Variants in SLC38A1 observed in about 807,000 individuals in gnomAD.
The protein encoded by SLC38A1 is sodium-coupled neutral amino acid symporter 1.
SLC38A1 carries 18 observed loss-of-function variants against 60.3 expected under a neutral mutation model. The ratio of observed to expected loss-of-function variants is 0.30; its 90% CI spans 0.21 to 0.44. SLC38A1 has a LOEUF of 0.44. Ranked by LOEUF, SLC38A1 falls within the 20% of genes least tolerant of loss-of-function variation. The probability of loss-of-function intolerance (pLI) is 1.00; values close to 1 mark genes in which losing one functional copy is unlikely to be tolerated. For missense variants in SLC38A1, 448 were observed against 587.2 expected, an observed-to-expected ratio of 0.76 and a Z score of 2.45; for synonymous variants, 196 against 212.1, an observed-to-expected ratio of 0.92 and a Z score of 0.66.
rs971728861 is a variant in SLC38A1 at position 46,203,101 on chromosome 12, A to G, written c.823-12T>C. Reference sequence around the variant, plus strand: ...AAAGCATACACGGTCTATTTGAGAGAAAAGAATAGACATTAGGAAAAACAC... The same window carrying G: ...AAAGCATACACGGTCTATTTGAGAGGAAAGAATAGACATTAGGAAAAACAC... On this transcript the variant is annotated splice_polypyrimidine_tract_variant and intron_variant, in intron 11 of 16. Transcript: ENST00000398637. 1 of 1,607,658 alleles carries G rather than the reference A, an allele frequency of 6.2e-7. No homozygotes were observed. Among genetic ancestry groups the G allele is most frequent in the African/African-American group, 1.3e-5 (1 of 74,870 alleles).
At chr12:46,267,908 T>A (rs1269731611) in intron 1 of SLC38A1, among the ~76,000 whole-genome samples, 1 of 152,212 alleles carries the variant, frequency 6.6e-6, no homozygotes, top group African/African-American at 2.4e-5. Context: ...AGTGAGTCAC[T>A]GCAAGCATCC....
At chr12:46,210,446 T>C (rs1940108281) in intron 5 of SLC38A1, among the ~76,000 whole-genome samples, 1 of 152,168 alleles carries the variant, frequency 6.6e-6, no homozygotes, top group South Asian at 2.1e-4. Flanking sequence ...GATCTGCCAA[T>C]AAACAGGAAT....
intron 1 of SLC38A1, among the ~76,000 whole-genome samples, chr12:46,255,333 A>C (rs1941985083): frequency 6.6e-6 from 1 of 152,242 alleles, no homozygotes; most frequent in African/African-American, 2.4e-5. Context: ...ACAGATCATG[A>C]GAAGGTTTTT....
At chr12:46,263,536 T>C (rs1376853169) in intron 1 of SLC38A1, among the ~76,000 whole-genome samples, 3 of 152,172 alleles carry the variant, frequency 2.0e-5, no homozygotes, top group African/African-American at 7.2e-5. Flanking sequence ...TAGCCACCAG[T>C]TTGCAACCTA....
intron 1 of SLC38A1, among the ~76,000 whole-genome samples, chr12:46,250,538 A>C (rs570482315): frequency 6.6e-6 from 1 of 152,320 alleles, no homozygotes; most frequent in African/African-American, 2.4e-5. Flanking sequence ...GGAAAAGACA[A>C]AGTCAAACTG....
chr12:46,246,183 G>A (rs1248943190), intron 1 of SLC38A1, among the ~76,000 whole-genome samples: 1 of 152,186 alleles, frequency 6.6e-6, no homozygotes, highest in Non-Finnish European at 1.5e-5. Flanking sequence ...CACAGAGGGT[G>A]AGGCGAAGCA....
At chr12:46,259,650 A>C (rs1255806910) in intron 1 of SLC38A1, among the ~76,000 whole-genome samples, 4 of 152,188 alleles carry the variant, frequency 2.6e-5, no homozygotes, top group Non-Finnish European at 5.9e-5. Flanking sequence ...GGCCTTTGGT[A>C]GTGAAAAACC....
Position 46,189,050 on chromosome 12 carries a change from C to A in SLC38A1, c.1384G>T (p.Gly462Trp). The change falls in exon 17 of 17, where the codon GGG becomes TGG. Residue 462 changes from glycine (G) to tryptophan (W), a missense_variant. Gly to Trp is a radical substitution (Grantham distance 184). This residue lies in a region of SLC38A1 where 346 missense variants were observed against 497.5 expected (regional missense o/e 0.70). Coordinates refer to ENST00000398637, the MANE Select transcript of SLC38A1 (RefSeq NM_030674.4). ...RIWAALFLGL[G>W]VLFSLVSIPL... ...ATGCTGACCAAGGAGAACAACACCC[C>A]CAGGCCCAAGAAAAGGGCAGCCTGG... 1 of 1,613,606 alleles carries A rather than the reference C, an allele frequency of 6.2e-7. No homozygotes were observed. The highest frequency in any genetic ancestry group is 8.5e-7 in the Non-Finnish European group (1 of 1,179,760).
chr12:46,229,295 T>C (rs866828869), intron 4 of SLC38A1, 27 bp from the exon 5 acceptor site: 1 of 1,444,982 alleles, frequency 6.9e-7, no homozygotes. Context: ...ACATTGACAC[T>C]AAGCAAAATA....
intron 5 of SLC38A1, among the ~76,000 whole-genome samples, chr12:46,222,194 C>T (rs2137677488): frequency 6.6e-6 from 1 of 152,252 alleles, no homozygotes; most frequent in South Asian, 2.1e-4. Flanking sequence ...AAGAAAAAGT[C>T]TTACTGCACT....
intron 1 of SLC38A1, among the ~76,000 whole-genome samples, chr12:46,252,407 A>G (rs1218898875): frequency 6.6e-6 from 1 of 152,196 alleles, no homozygotes; most frequent in Non-Finnish European, 1.5e-5. Context: ...TAATGGGTGC[A>G]GCAAACCAAC....
intron 9 of SLC38A1, among the ~76,000 whole-genome samples, chr12:46,204,926 G>C (rs774504569): frequency 1.3e-5 from 2 of 152,206 alleles, no homozygotes; most frequent in South Asian, 4.1e-4. Context: ...CTGTAAGTCT[G>C]TGTTGGTGGA....
At chr12:46,254,013 AAGCTTATCCTTATGCCTATAC>A (rs1941945026) in intron 1 of SLC38A1, among the ~76,000 whole-genome samples, 1 of 152,238 alleles carries the variant, frequency 6.6e-6, no homozygotes, top group Non-Finnish European at 1.5e-5. Flanking sequence ...AACATTGAGT[AAGCTTATCCTTATGCCTATAC>A]AGAGTGCCAT....
chr12:46,212,868 G>A (rs749989815), intron 5 of SLC38A1, among the ~76,000 whole-genome samples: 2 of 152,168 alleles, frequency 1.3e-5, no homozygotes, highest in Non-Finnish European at 2.9e-5. Flanking sequence ...TGGAACTGAG[G>A]CTCAGCTGAA....
At chr12:46,212,510 A>T (rs1231345279) in intron 5 of SLC38A1, among the ~76,000 whole-genome samples, 1 of 152,240 alleles carries the variant, frequency 6.6e-6, no homozygotes. Flanking sequence ...TGAGGAGAAG[A>T]TCTAGAGCAT....
In SLC38A1 at chr12:46,268,890, C is replaced by T. The variant is rs1942454475; in HGVS notation, c.-573G>A. On this transcript the variant is annotated 5_prime_UTR_variant, in exon 1 of 17. Transcript: ENST00000398637. This position sits in a 1 kb window ranked among gnomAD's most constrained non-coding sequence, Gnocchi z 4.4. Reference sequence around the variant, plus strand: ...ATCGACATGCACCGGCGCTGAGGGTCACGAATCGGAGTCATTCTCCTACTG... The same window carrying T: ...ATCGACATGCACCGGCGCTGAGGGTTACGAATCGGAGTCATTCTCCTACTG... The T allele has an allele frequency of 2.2e-6, 1 of 455,944 alleles. No individual in the cohort carries two copies. Among genetic ancestry groups the T allele is most frequent in the African/African-American group, 2.0e-5 (1 of 50,066 alleles). The allele number at this position is 455,944 out of a possible 1,614,324, so 28.2% of individuals were successfully genotyped here.
chr12:46,251,223 T>A (rs1295171523), intron 1 of SLC38A1, among the ~76,000 whole-genome samples: 1 of 152,188 alleles, frequency 6.6e-6, no homozygotes, highest in East Asian at 1.9e-4. Context: ...TTGACAAACC[T>A]GACAAAAGCA....
intron 5 of SLC38A1, among the ~76,000 whole-genome samples, chr12:46,228,530 C>T: frequency 6.6e-6 from 1 of 152,202 alleles, no homozygotes; most frequent in South Asian, 2.1e-4. Flanking sequence ...CGAGAATTTT[C>T]TTAGTACAAA....
chr12:46,227,845 C>A (rs1940925402), intron 5 of SLC38A1, among the ~76,000 whole-genome samples: 1 of 151,970 alleles, frequency 6.6e-6, no homozygotes, highest in South Asian at 2.1e-4. Flanking sequence ...AACTACATAG[C>A]CATTTAGAAG....
Sources: gnomAD v4.1 joint callset for allele counts (sites outside exome capture counted in the v4.1 genomes callset) on GRCh38, gnomAD v4.1.1 for gene constraint, gnomAD v4.1.1 regional missense constraint, Gnocchi (gnomAD v3.1) non-coding constraint, MANE v1.5 for transcripts, NCBI Gene and HGNC (gene_info 2026-07-23, HGNC 2026-07-21) for gene names.